The following ASCC3 variants were observed in gnomAD, a reference collection of about 807,000 sequenced individuals.
The protein encoded by ASCC3 is activating signal cointegrator 1 complex subunit 3, also known as ASC-1 complex subunit P200.
ASCC3 carries 158 observed loss-of-function variants against 256.3 expected under a neutral mutation model. The observed-to-expected ratio is 0.62, with a 90% confidence interval of 0.54 to 0.70. ASCC3 has a LOEUF of 0.70. ASCC3 is among the 30% of genes least tolerant of loss of function. ASCC3 has a pLI of 0.00. For missense variants in ASCC3, 2,259 were observed against 2,626.0 expected (o/e 0.86, Z 3.05); for synonymous variants, 948 against 883.4 (o/e 1.07, Z -1.30).
chr6:100,744,377 A>G (rs192458024), intron 10 of ASCC3, among the ~76,000 whole-genome samples: 7 of 152,320 alleles, frequency 4.6e-5, no homozygotes, highest in Non-Finnish European at 1.5e-5. Flanking sequence ...CAACATAGTA[A>G]CAACAATTTC....
At chr6:100,728,045 T>C (rs1463882604) in intron 10 of ASCC3, among the ~76,000 whole-genome samples, 1 of 152,074 alleles carries the variant, frequency 6.6e-6, no homozygotes, top group African/African-American at 2.4e-5. Flanking sequence ...AAAGTAACAA[T>C]CAAATTGTCT....
chr6:100,582,398 G>T (rs1431440560), intron 36 of ASCC3, among the ~76,000 whole-genome samples: 1 of 151,352 alleles, frequency 6.6e-6, no homozygotes, highest in East Asian at 1.9e-4. Context: ...GTCTGTTATT[G>T]GTATATAAGA....
At chr6:100,660,600 G>A (rs184002143) in intron 16 of ASCC3, among the ~76,000 whole-genome samples, 12 of 151,592 alleles carry the variant, frequency 7.9e-5, no homozygotes, top group African/African-American at 2.4e-4. Flanking sequence ...CTCTCTAACC[G>A]TTATCTTCTA....
chr6:100,758,991 A>C (rs796225075), intron 10 of ASCC3, among the ~76,000 whole-genome samples: 22 of 152,312 alleles, frequency 1.4e-4, no homozygotes, highest in African/African-American at 5.3e-4. Context: ...TCTAATGATC[A>C]GTGATTTTGA....
chr6:100,562,671 T>C (rs2062633), intron 36 of ASCC3, among the ~76,000 whole-genome samples: 13,085 of 152,172 alleles, frequency 0.086, 890 homozygotes, highest in East Asian at 0.31. Context: ...TTCTAGTTTT[T>C]TTTTCTATTA....
chr6:100,653,038 G>A, intron 17 of ASCC3, 149 bp from the exon 18 acceptor site: 13 of 739,302 alleles, frequency 1.8e-5, no homozygotes, highest in South Asian at 7.9e-5. Context: ...TCTACATTTA[G>A]GAAATAATTG....
intron 13 of ASCC3, among the ~76,000 whole-genome samples, chr6:100,695,804 T>C (rs1252169708): frequency 6.6e-6 from 1 of 152,128 alleles, no homozygotes; most frequent in Non-Finnish European, 1.5e-5. Flanking sequence ...TTGGAGTACC[T>C]CTCCTGTGGT....
At chr6:100,836,740 G>T (rs993060823) in intron 4 of ASCC3, among the ~76,000 whole-genome samples, 19 of 152,070 alleles carry the variant, frequency 1.2e-4, no homozygotes. Flanking sequence ...TTGGTATCAG[G>T]ATAGTGCTTA....
intron 30 of ASCC3, among the ~76,000 whole-genome samples, chr6:100,608,990 C>T (rs1476979603): frequency 6.7e-6 from 1 of 150,150 alleles, no homozygotes; most frequent in African/African-American, 2.4e-5. Flanking sequence ...TCTCGATCTC[C>T]TGGCCTCGTG....
chr6:100,589,503 C>T, intron 36 of ASCC3, 131 bp downstream of exon 36: 2 of 1,060,294 alleles, frequency 1.9e-6, no homozygotes, highest in Non-Finnish European at 2.7e-6. Context: ...AGATGTGTTG[C>T]TTTGTAGTGA....
chr6:100,783,519 G>A (rs890585042), intron 8 of ASCC3, among the ~76,000 whole-genome samples: 15 of 152,156 alleles, frequency 9.9e-5, no homozygotes, highest in Admixed American at 5.9e-4. Context: ...CTTTGAGGAC[G>A]TGGTCTGTCC....
At chr6:100,806,766 T>C (rs1003932317) in intron 4 of ASCC3, among the ~76,000 whole-genome samples, 2 of 151,946 alleles carry the variant, frequency 1.3e-5, no homozygotes. Flanking sequence ...ACTGAAGTTA[T>C]GCACACAAAG....
rs138011458 is a variant in ASCC3 at position 100,665,577 on chromosome 6, C to T, written c.2287-3041G>A. ...GTCTCTACTAACAAAAACAAACAAA[C>T]AAACAAAAAAAAAATAGCCGGGCAT... On this transcript the variant is annotated intron_variant, in intron 14 of 41. Transcript: ENST00000369162. Among the ~76,000 whole-genome samples the T allele has an allele frequency of 1.1e-3, 159 of 149,464 alleles. 1 individual carries two copies. In the East Asian group the frequency reaches 0.029, roughly 27 times the overall value.
chr6:100,800,633 A>G, intron 5 of ASCC3, 129 bp from the exon 6 acceptor site: 1 of 715,506 alleles, frequency 1.4e-6, no homozygotes, highest in African/African-American at 1.8e-5. Flanking sequence ...AAGCTGGCAA[A>G]TTCAATTATA....
At chr6:100,783,358 A>T (rs1039626849) in intron 8 of ASCC3, among the ~76,000 whole-genome samples, 1 of 152,200 alleles carries the variant, frequency 6.6e-6, no homozygotes, top group African/African-American at 2.4e-5. Flanking sequence ...TATTTGTGAC[A>T]TCAGACCCGT....
Position 100,839,011 on chromosome 6 carries a change from C to T in ASCC3, c.801+9137G>A, listed in dbSNP as rs530161182. On this transcript the variant is annotated intron_variant, in intron 4 of 41. Transcript: ENST00000369162. ...AAAATGTTTTTATTTATCTCAAATACGATTAACAGAAACATATCTTTGTTT... is the reference window on the plus strand; with the variant it reads ...AAAATGTTTTTATTTATCTCAAATATGATTAACAGAAACATATCTTTGTTT... 3.3e-5 allele frequency among the ~76,000 whole-genome samples: 5 copies of T among 152,024 alleles called. No homozygotes were observed. The South Asian group carries it at 6.2e-4, about 19-fold the overall frequency.
intron 4 of ASCC3, among the ~76,000 whole-genome samples, chr6:100,830,743 A>C (rs1161294396): frequency 6.6e-6 from 1 of 152,250 alleles, no homozygotes; most frequent in Admixed American, 6.5e-5. Context: ...TCAATTCACA[A>C]GAAGATTATA....
chr6:100,654,582 T>C (rs886945570), intron 17 of ASCC3, among the ~76,000 whole-genome samples: 2 of 152,106 alleles, frequency 1.3e-5, no homozygotes, highest in Admixed American at 1.3e-4. Flanking sequence ...AGTGCCATAT[T>C]CTTTAAATGT....
chr6:100,793,960 A>T (rs1023216023), intron 8 of ASCC3, among the ~76,000 whole-genome samples: 14 of 152,016 alleles, frequency 9.2e-5, no homozygotes, highest in African/African-American at 3.4e-4. Flanking sequence ...TCAAAACAAA[A>T]AGCCTATATC....
Sources: allele counts gnomAD v4.1 joint callset (sites outside exome capture counted in the v4.1 genomes callset), GRCh38; gene constraint gnomAD v4.1.1; transcripts MANE v1.5; gene names NCBI Gene and HGNC (gene_info 2026-07-23, HGNC 2026-07-21).